Variants in LPAR3 observed in about 807,000 individuals in gnomAD.
LPAR3 encodes the protein lysophosphatidic acid receptor 3.
Under a neutral mutation model 17.8 loss-of-function variants are expected in LPAR3, and 7 were observed. The ratio of observed to expected loss-of-function variants is 0.39; its 90% confidence interval spans 0.22 to 0.74. The LOEUF is 0.74. Ranked by LOEUF, LPAR3 falls within the 30% of genes least tolerant of loss-of-function variation. The pLI is 0.40. For missense variants in LPAR3, 391 were observed against 453.4 expected (o/e 0.86, Z 1.25); for synonymous variants, 179 against 179.9 (o/e 0.99, Z 0.04).
In LPAR3 at chr1:84,814,691, T is replaced by C. The variant is rs78891061; in HGVS notation, c.737-520A>G. On this transcript the variant is annotated intron_variant, in intron 2 of 2. Coordinates refer to ENST00000370611, the MANE Select transcript of LPAR3 (RefSeq NM_012152.3). ...ACACAATGAGTCTACGGCATTCTTC[T>C]AGTAGTTTAACCAAATCACCTGCTC... Among the ~76,000 whole-genome samples the C allele has an allele frequency of 7.9e-5, 12 of 152,378 alleles. No individual in the cohort carries two copies. The East Asian group carries it at 2.3e-3, about 29-fold the overall frequency.
chr1:84,880,612 A>G (rs1439638495), intron 1 of LPAR3, among the ~76,000 whole-genome samples: 1 of 152,230 alleles, frequency 6.6e-6, no homozygotes, highest in Non-Finnish European at 1.5e-5. Flanking sequence ...CAGAGAGATG[A>G]GCCAAGCATG....
chr1:84,872,001 G>A (rs1332931259), intron 1 of LPAR3, among the ~76,000 whole-genome samples: 1 of 152,048 alleles, frequency 6.6e-6, no homozygotes, highest in Non-Finnish European at 1.5e-5. Context: ...CTTGGGCTAC[G>A]GTCTATCTCC....
rs1487183170 is a variant in LPAR3 at position 84,841,555 on chromosome 1, C to A, written c.736+23830G>T. Among the ~76,000 whole-genome samples the A allele has an allele frequency of 9.9e-5, 15 of 152,096 alleles. 1 individual carries two copies. Among genetic ancestry groups the A allele is most frequent in the Middle Eastern group, 6.3e-3 (2 of 316 alleles). On this transcript the variant is annotated intron_variant, in intron 2 of 2. Coordinates refer to ENST00000370611, the MANE Select transcript of LPAR3 (RefSeq NM_012152.3). ...TCATGTTTTGAGATTAAAATCGACA[C>A]CTTCTATTCAATGTTATACCAGAAA...
chr1:84,820,774 TGA>T (rs1291142217), intron 2 of LPAR3, among the ~76,000 whole-genome samples: 7 of 152,148 alleles, frequency 4.6e-5, no homozygotes, highest in Non-Finnish European at 1.0e-4. Context: ...TAGAATGGTG[TGA>T]GTTATGTACC....
chr1:84,813,730 A>C lies in LPAR3; in HGVS notation c.*116T>G. On this transcript the variant is annotated 3_prime_UTR_variant, in exon 3 of 3. Coordinates refer to ENST00000370611, the MANE Select transcript of LPAR3 (RefSeq NM_012152.3). ...AAAAAATTTTTTAAAGAAATCTAGC[A>C]GTGATTAATGGAGACCTCAAATAAC... The C allele has an allele frequency of 1.2e-6, 1 of 835,586 alleles. No individual in the cohort carries two copies. The highest frequency in any genetic ancestry group is 1.8e-6 in the Non-Finnish European group (1 of 547,738). The allele number at this position is 835,586 out of a possible 1,614,324, so 51.8% of individuals were successfully genotyped here.
intron 2 of LPAR3, among the ~76,000 whole-genome samples, chr1:84,854,566 G>A (rs2102760421): frequency 6.6e-6 from 1 of 152,206 alleles, no homozygotes; most frequent in Admixed American, 6.5e-5. Context: ...ATAAATCTTG[G>A]TCATTTCCTG....
intron 1 of LPAR3, among the ~76,000 whole-genome samples, chr1:84,869,423 A>T (rs1399719663): frequency 5.9e-5 from 9 of 152,198 alleles, no homozygotes; most frequent in Admixed American, 5.2e-4. Context: ...TAATGAGAGA[A>T]AAAAAACTTC....
intron 2 of LPAR3, among the ~76,000 whole-genome samples, chr1:84,849,542 G>C (rs957740065): frequency 6.6e-6 from 1 of 152,070 alleles, no homozygotes; most frequent in Non-Finnish European, 1.5e-5. Flanking sequence ...AGCACAGATA[G>C]AGAGCAGGAA....
At chr1:84,866,169 T>A (rs1660045813) in intron 1 of LPAR3, 31 bp from the exon 2 acceptor site, 1 of 1,473,852 alleles carries the variant, frequency 6.8e-7, no homozygotes, top group Non-Finnish European at 9.2e-7. Context: ...GAAACAAATA[T>A]CATTTGTAAA....
intron 1 of LPAR3, among the ~76,000 whole-genome samples, chr1:84,892,254 TAAATAAAA>T (rs1485176125): frequency 0.014 from 2,032 of 145,284 alleles, 27 homozygotes; most frequent in East Asian, 0.053. Flanking sequence ...AATAAATAAA[TAAATAAAA>T]ACTAACCTAC....
chr1:84,854,394 T>C (rs61383654), intron 2 of LPAR3, among the ~76,000 whole-genome samples: 11,348 of 152,260 alleles, frequency 0.075, 705 homozygotes, highest in East Asian at 0.17. Context: ...TCAGCCCTTA[T>C]GTATATTTCT....
chr1:84,862,046 T>C (rs1013207017), intron 2 of LPAR3, among the ~76,000 whole-genome samples: 2 of 152,216 alleles, frequency 1.3e-5, no homozygotes, highest in Admixed American at 1.3e-4. Context: ...TATCATGCTG[T>C]ATACTATATT....
intron 1 of LPAR3, among the ~76,000 whole-genome samples, chr1:84,870,328 T>C (rs1660135852): frequency 6.6e-6 from 1 of 152,176 alleles, no homozygotes; most frequent in African/African-American, 2.4e-5. Context: ...TTATTGTCCA[T>C]CTCCCACCCC....
At chr1:84,826,779 C>T (rs1205523402) in intron 2 of LPAR3, among the ~76,000 whole-genome samples, 1 of 152,144 alleles carries the variant, frequency 6.6e-6, no homozygotes, top group Non-Finnish European at 1.5e-5. Flanking sequence ...CACATATAAT[C>T]TATAGGCAAC....
chr1:84,814,092 C>T lies in LPAR3; in HGVS notation c.816G>A (p.Gln272=), dbSNP rs778971937. ...GCAGCAGGAACCACCTTTTCACATGCTGCACGCCACACTGCCTGCAGTTCA... is the reference window on the plus strand; with the variant it reads ...GCAGCAGGAACCACCTTTTCACATGTTGCACGCCACACTGCCTGCAGTTCA... ...DGLNCRQCGV[Q]HVKRWFLLLA... Residue 272 remains glutamine, a synonymous_variant, in exon 3 of 3, where the codon CAG becomes CAA. Transcript: ENST00000370611. 1.2e-6 allele frequency: 2 copies of T among 1,614,070 alleles called. No individual in the cohort carries two copies. The highest frequency in any genetic ancestry group is 1.7e-6 in the Non-Finnish European group (2 of 1,180,044).
Position 84,834,777 on chromosome 1 carries a change from A to T in LPAR3, c.737-20606T>A, listed in dbSNP as rs369131443. Among the ~76,000 whole-genome samples, 27 of 152,332 alleles carry T rather than the reference A, an allele frequency of 1.8e-4. No homozygotes were observed. In the East Asian group the frequency reaches 4.6e-3, roughly 26 times the overall value. On this transcript the variant is annotated intron_variant, in intron 2 of 2. Transcript: ENST00000370611. ...ATCACAGACTCTGAGACTTGCAAGA[A>T]TTCTTACAGGGTGCCTATCTATCCT...
intron 1 of LPAR3, among the ~76,000 whole-genome samples, chr1:84,892,616 G>A (rs1341258075): frequency 2.6e-5 from 4 of 152,186 alleles, no homozygotes; most frequent in Admixed American, 1.3e-4. Context: ...TAGGCTTCAC[G>A]AGAGAACCCC....
intron 1 of LPAR3, among the ~76,000 whole-genome samples, chr1:84,891,513 G>A (rs1009708496): frequency 2.6e-5 from 4 of 152,172 alleles, no homozygotes; most frequent in African/African-American, 9.7e-5. Flanking sequence ...CAGAGCCAAG[G>A]TGTGTGTTTC....
chr1:84,865,003 A>G (rs772650125), intron 2 of LPAR3, among the ~76,000 whole-genome samples: 2 of 151,936 alleles, frequency 1.3e-5, no homozygotes, highest in Non-Finnish European at 2.9e-5. Flanking sequence ...AGACACCAGT[A>G]TGGTTCACTC....
Sources: gnomAD v4.1 joint callset for allele counts (sites outside exome capture counted in the v4.1 genomes callset) on GRCh38, gnomAD v4.1.1 for gene constraint, MANE v1.5 for transcripts, NCBI Gene and HGNC (gene_info 2026-07-23, HGNC 2026-07-21) for gene names.